Variants in TTLL9 observed in about 807,000 individuals in gnomAD.
The protein encoded by TTLL9 is tubulin tyrosine ligase like 9.
In TTLL9, 47 loss-of-function variants were observed where a neutral mutation model predicts 65.6. The observed-to-expected ratio is 0.72, with a 90% CI of 0.57 to 0.91. The LOEUF (loss-of-function observed/expected upper bound fraction) is 0.91. Ranked by LOEUF, TTLL9 falls within the 40% of genes least tolerant of loss-of-function variation. The pLI is 0.00. For missense variants in TTLL9, 537 were observed against 568.8 expected, an observed-to-expected ratio of 0.94 and a Z score of 0.57; for synonymous variants, 179 against 204.8, an observed-to-expected ratio of 0.87 and a Z score of 1.07.
At chr20:31,891,362 G>A (rs1320989702) in intron 3 of TTLL9, among the ~76,000 whole-genome samples, 1 of 152,130 alleles carries the variant, frequency 6.6e-6, no homozygotes, top group Admixed American at 6.5e-5. Flanking sequence ...TTTGGTATTT[G>A]TCTGATTTTT....
At chr20:31,886,084 C>G (rs925509640) in intron 2 of TTLL9, among the ~76,000 whole-genome samples, 1 of 152,210 alleles carries the variant, frequency 6.6e-6, no homozygotes, top group East Asian at 1.9e-4. Context: ...GGACCCCACA[C>G]GCCAGATGAG....
At chr20:31,874,442 C>T (rs897448085) in intron 2 of TTLL9, among the ~76,000 whole-genome samples, 14 of 139,006 alleles carry the variant, frequency 1.0e-4, no homozygotes, top group African/African-American at 3.9e-4. Flanking sequence ...GACAAAGTCT[C>T]ACTCTGTCGC....
At chr20:31,901,973 A>G (rs764055139) in intron 4 of TTLL9, among the ~76,000 whole-genome samples, 13 of 152,252 alleles carry the variant, frequency 8.5e-5, no homozygotes, top group Admixed American at 5.9e-4. Context: ...GGTCTCTGAC[A>G]CAGAGATAAC....
At position 31,908,659 on chromosome 20, in the gene TTLL9, T is replaced by C; in HGVS notation, c.275T>C (p.Met92Thr). ...WLRENFDHTY[M>T]DEHVRISHFR... ...CGGGAGAACTTCGACCACACCTACA[T>C]GGATGAACATGTGCGGATCAGTCAC... Residue 92 changes from methionine (M) to threonine (T), a missense_variant, in exon 5 of 15, where the codon ATG becomes ACG. Met to Thr is a moderately conservative substitution (Grantham distance 81). Transcript: ENST00000535842. 6.2e-7 allele frequency: 1 copy of C among 1,607,904 alleles called. No individual in the cohort carries two copies. The highest frequency in any genetic ancestry group is 8.5e-7 in the Non-Finnish European group (1 of 1,176,298).
intron 2 of TTLL9, chr20:31,873,057 G>T (rs779720800): frequency 5.8e-6 from 3 of 516,398 alleles, no homozygotes; most frequent in Non-Finnish European, 1.2e-5. Context: ...AGGTGACAGT[G>T]ACCTGGGATA....
intron 2 of TTLL9, among the ~76,000 whole-genome samples, chr20:31,878,629 T>G (rs988120965): frequency 6.6e-6 from 1 of 152,192 alleles, no homozygotes; most frequent in African/African-American, 2.4e-5. Flanking sequence ...TGACCATAAT[T>G]TTGATCAGAT....
chr20:31,941,592 T>C (rs573309757), intron 14 of TTLL9, among the ~76,000 whole-genome samples: 2 of 152,132 alleles, frequency 1.3e-5, no homozygotes, highest in East Asian at 3.9e-4. Flanking sequence ...GGAGTCTCGC[T>C]CTGTTGCCCA....
rs58783829 is a variant in TTLL9, at chr20:31,932,471, C to CAAAAAAAAAAAAAAAAAAAAAA, written c.749-1315_749-1314insAAAAAAAAAAAAAAAAAAAAAA. 9.3e-5 allele frequency among the ~76,000 whole-genome samples: 8 copies of CAAAAAAAAAAAAAAAAAAAAAA among 86,444 alleles called. No homozygotes were observed. In the South Asian group the frequency reaches 1.1e-3, roughly 12 times the overall value. The allele number at this position is 86,444 out of a possible 152,430, so 56.7% of individuals were successfully genotyped here. A position where few individuals can be genotyped will look rare whatever the true frequency, so the allele number is the denominator to read the frequency against. On this transcript the variant is annotated intron_variant, in intron 10 of 14. Transcript: ENST00000535842. ...TGGGTGACAGAGCAAGACCCTGTCT[C>CAAAAAAAAAAAAAAAAAAAAAA]AAAAAAAAAAAAAAGGTCTAAAGAA...
At chr20:31,912,707 G>C (rs761513739) in intron 6 of TTLL9, among the ~76,000 whole-genome samples, 1 of 151,820 alleles carries the variant, frequency 6.6e-6, no homozygotes, top group Non-Finnish European at 1.5e-5. Flanking sequence ...TCTGAAATCT[G>C]CAGGGCAGGC....
intron 3 of TTLL9, among the ~76,000 whole-genome samples, chr20:31,893,293 T>TTC (rs1410428978): frequency 6.9e-6 from 1 of 145,370 alleles, no homozygotes; most frequent in African/African-American, 2.5e-5. Flanking sequence ...TTCTTTTTCT[T>TTC]TTTTTTTTTT....
chr20:31,911,658 G>A lies in TTLL9; in HGVS notation c.504+1736G>A, dbSNP rs1321114992. ...ACGGAGTGCTGTGACCCACCAGGGC[G>A]GATTCCAGCTCCCAGCATTATCCTC... On this transcript the variant is annotated intron_variant, in intron 6 of 14. Coordinates refer to ENST00000535842, the MANE Select transcript of TTLL9 (RefSeq NM_001008409.5). 5.3e-5 allele frequency among the ~76,000 whole-genome samples: 8 copies of A among 152,192 alleles called. No individual in the cohort carries two copies. The South Asian group carries it at 8.3e-4, about 16-fold the overall frequency.
chr20:31,915,866 A>G (rs865862899), intron 6 of TTLL9, among the ~76,000 whole-genome samples: 15 of 152,202 alleles, frequency 9.9e-5, no homozygotes, highest in Middle Eastern at 3.4e-3. Flanking sequence ...GAACCATTCT[A>G]CTAAAGCTCG....
rs1487323807 is a variant in TTLL9 at position 31,943,298 on chromosome 20, CA to C, written c.*280del. 4 of 514,134 alleles carry C rather than the reference CA, an allele frequency of 7.8e-6. No homozygotes were observed. The highest frequency in any genetic ancestry group is 1.9e-5 in the African/African-American group (1 of 51,930). 31.8% of individuals were successfully genotyped at this position (514,134 alleles called of 1,614,324 possible). A position where few individuals can be genotyped will look rare whatever the true frequency, so the allele number is the denominator to read the frequency against. On this transcript the variant is annotated 3_prime_UTR_variant, in exon 15 of 15. Coordinates refer to ENST00000535842, the MANE Select transcript of TTLL9 (RefSeq NM_001008409.5). ...ACTTGGCAGTTAGGCCCAAAGAGAACAAATACAGCAAGTTCTGCTACCCCCA... is the reference window on the plus strand; with the variant it reads ...ACTTGGCAGTTAGGCCCAAAGAGAACAATACAGCAAGTTCTGCTACCCCCA...
chr20:31,908,558 T>G, intron 4 of TTLL9, 33 bp from the exon 5 acceptor site: 13 of 1,524,140 alleles, frequency 8.5e-6, no homozygotes, highest in African/African-American at 1.4e-5. Flanking sequence ...CCTCAGACCA[T>G]GACCTTTATC....
chr20:31,943,472 G>C lies in TTLL9; in HGVS notation c.*451G>C, dbSNP rs2064256039. The C allele has an allele frequency of 3.1e-6, 1 of 320,588 alleles. No homozygotes were observed. The highest frequency in any genetic ancestry group is 6.2e-6 in the Non-Finnish European group (1 of 161,430). 19.9% of individuals were successfully genotyped at this position (320,588 alleles called of 1,614,324 possible). A position where few individuals can be genotyped will look rare whatever the true frequency, so the allele number is the denominator to read the frequency against. Reference sequence around the variant, plus strand: ...AGTCAGTGCTGAAAAGGTCCTTCAGGAGCAAGAGTTTGGAGGCTAAGGAAC... The same window carrying C: ...AGTCAGTGCTGAAAAGGTCCTTCAGCAGCAAGAGTTTGGAGGCTAAGGAAC... On this transcript the variant is annotated 3_prime_UTR_variant, in exon 15 of 15. Transcript: ENST00000535842.
intron 6 of TTLL9, among the ~76,000 whole-genome samples, chr20:31,911,778 A>G (rs2063651506): frequency 6.6e-6 from 1 of 151,674 alleles, no homozygotes; most frequent in East Asian, 1.9e-4. Flanking sequence ...AGCAGACACA[A>G]CGGCAGCTAC....
At position 31,908,654 on chromosome 20, in the gene TTLL9, C is replaced by T; in HGVS notation, c.270C>T (p.Thr90=). ...GGCTCCGGGAGAACTTCGACCACAC[C>T]TACATGGATGAACATGTGCGGATCA... ...VSWLRENFDH[T]YMDEHVRISH... is the part of the protein sequence containing the mutation. The change falls in exon 5 of 15, where the codon ACC becomes ACT. Residue 90 remains threonine, a synonymous_variant. Coordinates refer to ENST00000535842, the MANE Select transcript of TTLL9 (RefSeq NM_001008409.5). 5 of 1,614,170 alleles carry T rather than the reference C, an allele frequency of 3.1e-6. No homozygotes were observed. Among genetic ancestry groups the T allele is most frequent in the Non-Finnish European group, 4.2e-6 (5 of 1,180,030 alleles).
At chr20:31,929,370 T>C (rs1488996553) in intron 10 of TTLL9, among the ~76,000 whole-genome samples, 1 of 152,190 alleles carries the variant, frequency 6.6e-6, no homozygotes, top group African/African-American at 2.4e-5. Flanking sequence ...GTGGTATAGC[T>C]CATGAAAATC....
At chr20:31,914,894 C>T (rs1455009086) in intron 6 of TTLL9, among the ~76,000 whole-genome samples, 1 of 152,222 alleles carries the variant, frequency 6.6e-6, no homozygotes, top group Non-Finnish European at 1.5e-5. Context: ...CGCTGGCACT[C>T]TCAGTCAGTT....
Sources: gnomAD v4.1 joint callset for allele counts (sites outside exome capture counted in the v4.1 genomes callset) on GRCh38, gnomAD v4.1.1 for gene constraint, MANE v1.5 for transcripts, NCBI Gene and HGNC (gene_info 2026-07-23, HGNC 2026-07-21) for gene names.